PREX1: variants seen among roughly 807,000 people sequenced by gnomAD.
PREX1 encodes the protein phosphatidylinositol 3,4,5-trisphosphate-dependent Rac exchanger 1 protein.
In PREX1, 41 loss-of-function variants were observed where a neutral mutation model predicts 198.3. That is an observed-to-expected ratio of 0.21 (90% confidence interval 0.16 to 0.27). The LOEUF (loss-of-function observed/expected upper bound fraction) is 0.27, where lower values mean the gene tolerates loss of function less well. Among genes scored for constraint, PREX1 ranks in the 10% least tolerant of loss-of-function variants. The pLI is 1.00. For synonymous variants in PREX1, 843 were observed against 887.2 expected (o/e 0.95, Z 0.89); for missense variants, 1,620 against 2,200.7 (o/e 0.74, Z 5.28).
At chr20:48,776,854 ACT>A (rs2090264736) in intron 1 of PREX1, among the ~76,000 whole-genome samples, 1 of 152,178 alleles carries the variant, frequency 6.6e-6, no homozygotes, top group Non-Finnish European at 1.5e-5. Flanking sequence ...CAGTGGTAGT[ACT>A]GTTAATCCCA....
At chr20:48,673,493 G>C (rs1210421223) in intron 14 of PREX1, among the ~76,000 whole-genome samples, 1 of 152,224 alleles carries the variant, frequency 6.6e-6, no homozygotes, top group Non-Finnish European at 1.5e-5. Context: ...GCAGCTCTGA[G>C]CACTGAAGGA....
the PREX1 span, among the ~76,000 whole-genome samples, chr20:48,877,636 T>C: frequency 6.6e-6 from 1 of 152,234 alleles, no homozygotes; most frequent in African/African-American, 2.4e-5. Flanking sequence ...AGGCCCCATG[T>C]CCATTTCATA....
At position 48,624,308 on chromosome 20, in the gene PREX1, G is replaced by A. The variant is rs544082485; in HGVS notation, c.*1577C>T. On this transcript the variant is annotated 3_prime_UTR_variant, in exon 40 of 40. Transcript: ENST00000371941. ...AAAAAATCTATCAAGAATTTAACGA[G>A]AAGAATCTGTACATTTTAAAGTAAA... 1 of 152,512 alleles carries A rather than the reference G, an allele frequency of 6.6e-6. No homozygotes were observed. The highest frequency in any genetic ancestry group is 2.1e-4 in the South Asian group (1 of 4,828). 9.4% of individuals were successfully genotyped at this position (152,512 alleles called of 1,614,324 possible).
At chr20:48,689,210 A>C (rs2089803388) in intron 9 of PREX1, among the ~76,000 whole-genome samples, 1 of 152,148 alleles carries the variant, frequency 6.6e-6, no homozygotes, top group Non-Finnish European at 1.5e-5. Flanking sequence ...CCAGTGATAA[A>C]AGTCTGGTCG....
chr20:48,874,877 CAA>C, the PREX1 span, among the ~76,000 whole-genome samples: 10 of 130,376 alleles, frequency 7.7e-5, no homozygotes, highest in Non-Finnish European at 8.3e-5. Flanking sequence ...AACTGTGTCT[CAA>C]AAAAAAAAAA....
At chr20:48,810,969 A>C (rs1486364950) in intron 1 of PREX1, among the ~76,000 whole-genome samples, 1 of 152,180 alleles carries the variant, frequency 6.6e-6, no homozygotes, top group Non-Finnish European at 1.5e-5. Flanking sequence ...TCTCAGTGTT[A>C]GGAACATGTT....
the PREX1 span, among the ~76,000 whole-genome samples, chr20:48,844,002 TG>T: frequency 2.3e-4 from 35 of 152,134 alleles, no homozygotes; most frequent in South Asian, 6.0e-3. Flanking sequence ...TAGCCAGGCA[TG>T]GTGGCATGCA....
rs1017284283 is a variant in PREX1 at position 48,625,831 on chromosome 20, T to A, written c.*54A>T. On this transcript the variant is annotated 3_prime_UTR_variant, in exon 40 of 40. Transcript: ENST00000371941. ...GAGAAGGCCAGCGCTGCCTGCTGTG[T>A]CCTCCCAAATCCCAGCTCCAGAGGC... The A allele has an allele frequency of 6.6e-7, 1 of 1,507,436 alleles. No homozygotes were observed. The highest frequency in any genetic ancestry group is 8.9e-7 in the Non-Finnish European group (1 of 1,118,186). The allele number at this position is 1,507,436 out of a possible 1,614,324, so 93.4% of individuals were successfully genotyped here.
intron 5 of PREX1, among the ~76,000 whole-genome samples, chr20:48,708,772 T>C (rs1032320088): frequency 5.3e-5 from 8 of 151,914 alleles, no homozygotes; most frequent in African/African-American, 1.9e-4. Context: ...GGGGGCACCG[T>C]GGTGCGAAGG....
intron 1 of PREX1, among the ~76,000 whole-genome samples, chr20:48,820,879 C>A (rs1400732541): frequency 6.6e-6 from 1 of 152,222 alleles, no homozygotes; most frequent in African/African-American, 2.4e-5. Flanking sequence ...ACGCTAGGGC[C>A]AGAAATGACC....
chr20:48,864,244 A>G, the PREX1 span, among the ~76,000 whole-genome samples: 1 of 152,236 alleles, frequency 6.6e-6, no homozygotes, highest in African/African-American at 2.4e-5. Context: ...TCATTCATTC[A>G]TGCCTTCACT....
intron 1 of PREX1, among the ~76,000 whole-genome samples, chr20:48,765,252 G>C (rs1331313495): frequency 1.3e-5 from 2 of 152,156 alleles, no homozygotes; most frequent in African/African-American, 4.8e-5. Flanking sequence ...TGTTTAGTAA[G>C]CTGCAAAATG....
At chr20:48,643,814 C>A (rs2089431583) in intron 27 of PREX1, among the ~76,000 whole-genome samples, 1 of 152,098 alleles carries the variant, frequency 6.6e-6, no homozygotes, top group Admixed American at 6.6e-5. Flanking sequence ...GCTGGGATTA[C>A]AGGTGCGTGC....
intron 4 of PREX1, among the ~76,000 whole-genome samples, chr20:48,732,596 A>G (rs2090039149): frequency 6.6e-6 from 1 of 152,098 alleles, no homozygotes; most frequent in African/African-American, 2.4e-5. Flanking sequence ...TCTAGGATGG[A>G]CCCCTAGAAA....
chr20:48,758,852 T>A (rs2090166640), intron 1 of PREX1, among the ~76,000 whole-genome samples: 1 of 152,160 alleles, frequency 6.6e-6, no homozygotes, highest in Admixed American at 6.5e-5. Flanking sequence ...TCACAGCACC[T>A]GTCACCATGG....
chr20:48,670,299 T>TGCCCCTGCCC (rs2089666928), intron 14 of PREX1, among the ~76,000 whole-genome samples: 2 of 145,050 alleles, frequency 1.4e-5, no homozygotes, highest in Non-Finnish European at 3.0e-5. Context: ...CCAACCCCTC[T>TGCCCCTGCCC]CTGCCCCTGC....
chr20:48,753,216 T>C (rs1308699222), intron 1 of PREX1, among the ~76,000 whole-genome samples: 1 of 152,124 alleles, frequency 6.6e-6, no homozygotes, highest in Non-Finnish European at 1.5e-5. Flanking sequence ...AGAAGGATGA[T>C]GAGTTTGCCA....
intron 1 of PREX1, among the ~76,000 whole-genome samples, chr20:48,826,629 CG>C (rs1394239501): frequency 1.3e-5 from 2 of 152,132 alleles, no homozygotes; most frequent in African/African-American, 4.8e-5. Flanking sequence ...CCGAGGTCGG[CG>C]GATCACTTGA....
intron 10 of PREX1, among the ~76,000 whole-genome samples, chr20:48,683,150 C>T (rs934234269): frequency 6.6e-6 from 1 of 152,224 alleles, no homozygotes; most frequent in Non-Finnish European, 1.5e-5. Flanking sequence ...ATGCTGCCAG[C>T]AGCTGAAGGA....
Sources: gnomAD v4.1 joint callset for allele counts (sites outside exome capture counted in the v4.1 genomes callset) on GRCh38, gnomAD v4.1.1 for gene constraint, MANE v1.5 for transcripts, NCBI Gene and HGNC (gene_info 2026-07-23, HGNC 2026-07-21) for gene names.